The following MLPH variants were observed in gnomAD, a reference collection of about 807,000 sequenced individuals.
The protein encoded by MLPH is exophilin-3.
Under a neutral mutation model 72.1 loss-of-function variants are expected in MLPH, and 51 were observed. The ratio of observed to expected loss-of-function variants is 0.71; its 90% CI spans 0.56 to 0.89. The LOEUF (loss-of-function observed/expected upper bound fraction) is 0.89, where lower values mean the gene tolerates loss of function less well. Ranked by LOEUF, MLPH falls within the 40% of genes least tolerant of loss-of-function variation. The probability of loss-of-function intolerance (pLI) is 0.00; values close to 1 mark genes in which losing one functional copy is unlikely to be tolerated. For synonymous variants in MLPH, 301 were observed against 310.1 expected (o/e 0.97, Z 0.31); for missense variants, 743 against 759.9 (o/e 0.98, Z 0.26).
chr2:237,544,453 G>A (rs1315863017), intron 12 of MLPH, among the ~76,000 whole-genome samples: 1 of 55,620 alleles, frequency 1.8e-5, no homozygotes, highest in African/African-American at 1.3e-4. Context: ...TAGTGAGTGG[G>A]GGGACAGTAG....
intron 9 of MLPH, among the ~76,000 whole-genome samples, chr2:237,537,016 C>T (rs956685121): frequency 3.3e-5 from 5 of 152,226 alleles, no homozygotes; most frequent in African/African-American, 4.8e-5. Flanking sequence ...GGACACTGCT[C>T]GCGGAATGGC....
intron 1 of MLPH, among the ~76,000 whole-genome samples, chr2:237,489,172 C>T (rs550621160): frequency 2.0e-5 from 3 of 152,374 alleles, no homozygotes; most frequent in African/African-American, 7.2e-5. Context: ...CAGCACCATC[C>T]TCCTACAGCC....
In MLPH at chr2:237,540,465, G is replaced by T. The variant is rs61737681; in HGVS notation, c.1222G>T (p.Ala408Ser). The part of the protein sequence containing the change: ...DQETSSEEEE[A>S]KDEKAEPNRD... The stretch of plus-strand genomic sequence containing the variant: ...GGAGACCTCGTCCGAGGAGGAGGAA[G>T]CCAAGGACGAAAAGGCAGAGCCCAA... The change falls in exon 10 of 16, where the codon GCC becomes TCC. Residue 408 changes from alanine to serine, a missense_variant. Coordinates refer to ENST00000264605, the MANE Select transcript of MLPH (RefSeq NM_024101.7). 75,962 of 1,613,254 alleles carry T rather than the reference G, an allele frequency of 0.047. 2,498 individuals are homozygous for T. Among genetic ancestry groups the T allele is most frequent in the African/African-American group, 0.14 (10,721 of 74,974 alleles).
chr2:237,531,863 G>C (rs990506880), intron 8 of MLPH, among the ~76,000 whole-genome samples: 3 of 152,044 alleles, frequency 2.0e-5, no homozygotes, highest in African/African-American at 7.2e-5. Context: ...ACAGTGACCT[G>C]GGGGGCCCTT....
chr2:237,515,294 A>T (rs1229311786), intron 4 of MLPH, among the ~76,000 whole-genome samples: 2 of 152,140 alleles, frequency 1.3e-5, no homozygotes, highest in Admixed American at 6.5e-5. Flanking sequence ...TGATTGATTG[A>T]GTACATCCGC....
chr2:237,534,050 T>G (rs186912747), intron 8 of MLPH, among the ~76,000 whole-genome samples: 1 of 152,314 alleles, frequency 6.6e-6, no homozygotes, highest in African/African-American at 2.4e-5. Flanking sequence ...TAATAGACTT[T>G]GGGTGACTCA....
rs1168322890 is a variant in MLPH at position 237,510,907 on chromosome 2, G to A, written c.333-82G>A. ...CGCACACATGCACACACTCGTGTGTGTGTGTGTGTGTGTGTGTGAGATTTA... is the reference window on the plus strand; with the variant it reads ...CGCACACATGCACACACTCGTGTGTATGTGTGTGTGTGTGTGTGAGATTTA... On this transcript the variant is annotated intron_variant, in intron 3 of 15. Transcript: ENST00000264605. The surrounding 1 kb of genome is among the most constrained non-coding windows in gnomAD (Gnocchi z 4.4). 3 of 1,481,020 alleles carry A rather than the reference G, an allele frequency of 2.0e-6. No individual in the cohort carries two copies. Among genetic ancestry groups the A allele is most frequent in the Non-Finnish European group, 2.8e-6 (3 of 1,060,346 alleles). 91.7% of individuals were successfully genotyped at this position (1,481,020 alleles called of 1,614,324 possible). A position where few individuals can be genotyped will look rare whatever the true frequency, so the allele number is the denominator to read the frequency against.
intron 13 of MLPH, among the ~76,000 whole-genome samples, chr2:237,548,225 C>T (rs2080959438): frequency 6.6e-6 from 1 of 152,238 alleles, no homozygotes; most frequent in Admixed American, 6.5e-5. Flanking sequence ...GGTGGGGGCG[C>T]TTCCACCTTT....
At chr2:237,489,612 T>G (rs1214319652) in intron 1 of MLPH, among the ~76,000 whole-genome samples, 2 of 152,132 alleles carry the variant, frequency 1.3e-5, no homozygotes, top group African/African-American at 2.4e-5. Flanking sequence ...CACCTCCCCT[T>G]TATCAGCAAG....
intron 6 of MLPH, among the ~76,000 whole-genome samples, chr2:237,523,038 A>G (rs967195820): frequency 6.6e-5 from 10 of 152,216 alleles, no homozygotes; most frequent in Admixed American, 6.5e-4. Context: ...AAGTATTTGA[A>G]AAGTTGATTA....
At chr2:237,528,315 AAAAT>A (rs2080347601) in intron 8 of MLPH, among the ~76,000 whole-genome samples, 1 of 144,626 alleles carries the variant, frequency 6.9e-6, no homozygotes, top group African/African-American at 2.7e-5. Flanking sequence ...AATTTAGGAG[AAAAT>A]AAATAATCTT....
chr2:237,552,323 T>C lies in MLPH; in HGVS notation c.1676-14T>C. The stretch of plus-strand genomic sequence containing the variant: ...ATTGATAAAGCACCATCCCTCTTCC[T>C]GTTTTCCCCAAAGGTAAAGATGATG... On this transcript the variant is annotated splice_polypyrimidine_tract_variant and intron_variant, in intron 14 of 15. Transcript: ENST00000264605. 6.2e-7 allele frequency: 1 copy of C among 1,612,338 alleles called. No individual in the cohort carries two copies. The highest frequency in any genetic ancestry group is 8.5e-7 in the Non-Finnish European group (1 of 1,178,356).
chr2:237,542,282 C>G (rs879226457), intron 11 of MLPH, among the ~76,000 whole-genome samples: 1 of 152,096 alleles, frequency 6.6e-6, no homozygotes, highest in Non-Finnish European at 1.5e-5. Context: ...TCCAGCCCCT[C>G]ATGGGAGCCG....
At chr2:237,552,155 C>T in intron 14 of MLPH, 182 bp from the exon 15 acceptor site, 1 of 574,486 alleles carries the variant, frequency 1.7e-6, no homozygotes, top group Non-Finnish European at 3.1e-6. Flanking sequence ...GTTGGCAAAA[C>T]TGTTGATTTG....
At chr2:237,521,554 T>C (rs2080182187) in intron 6 of MLPH, among the ~76,000 whole-genome samples, 1 of 152,064 alleles carries the variant, frequency 6.6e-6, no homozygotes, top group African/African-American at 2.4e-5. Flanking sequence ...GTGACTATTA[T>C]AAGGCCCAGC....
At position 237,534,621 on chromosome 2, in the gene MLPH, A is replaced by C. The variant is rs746437711; in HGVS notation, c.1078A>C (p.Asn360His). ...AVECLLTYLE[N>H]TVVPPLAKGL... ...GGAATGCCTGCTGACCTACCTGGAGAACACAGTTGTGCCTCCCTTGGCCAA... is the reference window on the plus strand; with the variant it reads ...GGAATGCCTGCTGACCTACCTGGAGCACACAGTTGTGCCTCCCTTGGCCAA... Residue 360 changes from asparagine (N) to histidine (H), a missense_variant, in exon 9 of 16, where the codon AAC becomes CAC. Transcript: ENST00000264605. The C allele has an allele frequency of 4.8e-5, 77 of 1,613,790 alleles. 2 individuals carry two copies. The Middle Eastern group carries it at 1.2e-3, about 24-fold the overall frequency.
intron 4 of MLPH, among the ~76,000 whole-genome samples, chr2:237,513,060 G>C (rs927752815): frequency 1.3e-5 from 2 of 151,118 alleles, no homozygotes; most frequent in African/African-American, 4.9e-5. Flanking sequence ...CATTAAAACA[G>C]GGCGCAAGCA....
Position 237,549,238 on chromosome 2 carries a change from T to A in MLPH, c.1635T>A (p.Tyr545Ter). The A allele has an allele frequency of 1.2e-6, 2 of 1,614,172 alleles. No homozygotes were observed. The highest frequency in any genetic ancestry group is 2.2e-5 in the South Asian group (2 of 91,084). Residue 545 changes from tyrosine (Y) to a stop codon, truncating the protein, a stop_gained, in exon 14 of 16, where the codon TAT becomes TAA. Coordinates refer to ENST00000264605, the MANE Select transcript of MLPH (RefSeq NM_024101.7). LOFTEE classifies it high-confidence loss of function. ...SSEAKAMAVP[Y>*]LLRRKFSNSL... Reference sequence around the variant, plus strand: ...TCTTCTAGGCAATGGCTGTGCCCTATCTTCTGAGAAGAAAGTTCAGTAATT... The same window carrying A: ...TCTTCTAGGCAATGGCTGTGCCCTAACTTCTGAGAAGAAAGTTCAGTAATT...
rs544006278 is a variant in MLPH, at chr2:237,529,746, C to T, written c.1020+2230C>T. On this transcript the variant is annotated intron_variant, in intron 8 of 15. Coordinates refer to ENST00000264605, the MANE Select transcript of MLPH (RefSeq NM_024101.7). Reference sequence around the variant, plus strand: ...AAGTGGGGCTGCTCTGAATGGAGACCGGAACCGCAGTTTCACCAAGGCTGG... The same window carrying T: ...AAGTGGGGCTGCTCTGAATGGAGACTGGAACCGCAGTTTCACCAAGGCTGG... 4.6e-5 allele frequency among the ~76,000 whole-genome samples: 7 copies of T among 152,138 alleles called. No individual in the cohort carries two copies. The South Asian group carries it at 8.3e-4, about 18-fold the overall frequency.
Sources: gnomAD v4.1 joint callset for allele counts (sites outside exome capture counted in the v4.1 genomes callset) on GRCh38, gnomAD v4.1.1 for gene constraint, Gnocchi (gnomAD v3.1) non-coding constraint, MANE v1.5 for transcripts, NCBI Gene and HGNC (gene_info 2026-07-23, HGNC 2026-07-21) for gene names.